Variants in TTC28 observed in about 807,000 individuals in gnomAD.
TTC28 encodes tetratricopeptide repeat protein 28.
Under a neutral mutation model 198.0 loss-of-function variants are expected in TTC28, and 61 were observed. The observed-to-expected ratio is 0.31, with a 90% CI of 0.25 to 0.38. The LOEUF is 0.38. Ranked by LOEUF, TTC28 falls within the 10% of genes least tolerant of loss-of-function variation. The pLI is 1.00. For synonymous variants in TTC28, 1,171 were observed against 1,297.8 expected (o/e 0.90, Z 2.10); for missense variants, 2,678 against 3,164.0 (o/e 0.85, Z 3.69).
intron 6 of TTC28, among the ~76,000 whole-genome samples, chr22:28,147,716 A>C (rs1204246953): frequency 6.6e-6 from 1 of 152,252 alleles, no homozygotes; most frequent in Non-Finnish European, 1.5e-5. Flanking sequence ...GAATTATTAA[A>C]TTAAACAATG....
chr22:28,127,678 T>C (rs1942952234), intron 6 of TTC28, among the ~76,000 whole-genome samples: 1 of 152,196 alleles, frequency 6.6e-6, no homozygotes, highest in South Asian at 2.1e-4. Flanking sequence ...ATTAAAATTA[T>C]TTCATCCTTT....
chr22:28,624,037 C>T (rs2051040251), intron 2 of TTC28, among the ~76,000 whole-genome samples: 1 of 151,900 alleles, frequency 6.6e-6, no homozygotes, highest in African/African-American at 2.4e-5. Flanking sequence ...AAATAATAAA[C>T]AGCAGACATC....
intron 2 of TTC28, among the ~76,000 whole-genome samples, chr22:28,579,301 A>C (rs2050197994): frequency 6.7e-6 from 1 of 149,734 alleles, no homozygotes; most frequent in Non-Finnish European, 1.5e-5. Context: ...ATATAGCTAT[A>C]TATGTGCATG....
intron 21 of TTC28, 28 bp from the exon 22 acceptor site, chr22:27,985,384 G>T (rs1236457327): frequency 1.8e-5 from 27 of 1,512,400 alleles, no homozygotes; most frequent in Non-Finnish European, 2.2e-5. Flanking sequence ...ATAAGCATCT[G>T]CTTCCTTCGG....
At chr22:28,279,382 T>C (rs181180154) in intron 5 of TTC28, among the ~76,000 whole-genome samples, 1 of 150,868 alleles carries the variant, frequency 6.6e-6, no homozygotes, top group African/African-American at 2.5e-5. Context: ...GTTTTGTTTG[T>C]TTTTTTTAGA....
intron 6 of TTC28, among the ~76,000 whole-genome samples, chr22:28,160,552 G>T (rs1213712516): frequency 1.3e-5 from 2 of 152,062 alleles, no homozygotes; most frequent in Non-Finnish European, 2.9e-5. Context: ...GAGTAAAAAA[G>T]GCAGCTTCAG....
In TTC28 at chr22:28,447,480, G is replaced by A. The variant is rs530239558; in HGVS notation, c.382-140837C>T. ...CTGCCTATAGGGCTAAATTCCATCTGCAAGTCCTAATTTGTGACTGCTGAT... is the reference window on the plus strand; with the variant it reads ...CTGCCTATAGGGCTAAATTCCATCTACAAGTCCTAATTTGTGACTGCTGAT... On this transcript the variant is annotated intron_variant, in intron 2 of 22. Transcript: ENST00000397906. Among the ~76,000 whole-genome samples the A allele has an allele frequency of 9.4e-4, 143 of 152,266 alleles. 1 individual carries two copies. Among genetic ancestry groups the A allele is most frequent in the African/African-American group, 2.3e-3 (97 of 41,546 alleles).
intron 12 of TTC28, among the ~76,000 whole-genome samples, chr22:28,058,273 C>T (rs1569112099): frequency 1.3e-5 from 2 of 152,068 alleles, no homozygotes; most frequent in South Asian, 2.1e-4. Flanking sequence ...GGTCTGCAGA[C>T]CACAGTCTCT....
At chr22:28,033,226 T>C (rs1939204219) in intron 12 of TTC28, among the ~76,000 whole-genome samples, 1 of 152,164 alleles carries the variant, frequency 6.6e-6, no homozygotes, top group Non-Finnish European at 1.5e-5. Context: ...TCCTGACCCT[T>C]CAAAGTATTA....
intron 2 of TTC28, among the ~76,000 whole-genome samples, chr22:28,407,703 T>C (rs1053618146): frequency 2.0e-5 from 3 of 152,248 alleles, no homozygotes; most frequent in African/African-American, 4.8e-5. Context: ...CTAGGTATTT[T>C]TGCAGTATTA....
At chr22:28,311,405 T>C (rs2045253990) in intron 2 of TTC28, among the ~76,000 whole-genome samples, 1 of 152,190 alleles carries the variant, frequency 6.6e-6, no homozygotes. Flanking sequence ...AACTTTAATA[T>C]CACTGTATGT....
chr22:28,640,434 T>C (rs970223851), intron 1 of TTC28, among the ~76,000 whole-genome samples: 4 of 151,538 alleles, frequency 2.6e-5, no homozygotes, highest in African/African-American at 9.7e-5. Flanking sequence ...TGAATACCAA[T>C]GACCAAGAAT....
chr22:28,346,990 C>T (rs1460615828), intron 2 of TTC28, among the ~76,000 whole-genome samples: 2 of 152,084 alleles, frequency 1.3e-5, no homozygotes, highest in Admixed American at 1.3e-4. Flanking sequence ...TGGCCGGGTG[C>T]GGTGGCTCAT....
chr22:28,556,376 T>C (rs1309345748), intron 2 of TTC28, among the ~76,000 whole-genome samples: 2 of 152,042 alleles, frequency 1.3e-5, no homozygotes, highest in African/African-American at 4.8e-5. Context: ...AAGCCCTATT[T>C]CTCTTTCATT....
At chr22:28,150,438 T>C (rs1462092540) in intron 6 of TTC28, among the ~76,000 whole-genome samples, 2 of 152,210 alleles carry the variant, frequency 1.3e-5, no homozygotes, top group Non-Finnish European at 2.9e-5. Flanking sequence ...CTGATTCTGA[T>C]GCTCTATATT....
chr22:28,278,781 C>T (rs1264775849), intron 5 of TTC28, among the ~76,000 whole-genome samples: 1 of 152,184 alleles, frequency 6.6e-6, no homozygotes, highest in African/African-American at 2.4e-5. Flanking sequence ...ACTCATGCCA[C>T]CCAAACTGCA....
intron 2 of TTC28, among the ~76,000 whole-genome samples, chr22:28,321,753 G>A (rs1037052393): frequency 6.6e-6 from 1 of 152,102 alleles, no homozygotes; most frequent in Non-Finnish European, 1.5e-5. Context: ...GCAAAACTTA[G>A]GATAATTTAT....
intron 2 of TTC28, among the ~76,000 whole-genome samples, chr22:28,490,480 T>A (rs868058033): frequency 1.3e-5 from 2 of 152,216 alleles, no homozygotes; most frequent in African/African-American, 4.8e-5. Context: ...ACAAGTCATA[T>A]GACTACTCGT....
chr22:27,998,405 C>A, intron 16 of TTC28, 135 bp downstream of exon 16: 1 of 1,368,064 alleles, frequency 7.3e-7, no homozygotes, highest in Non-Finnish European at 9.6e-7. Flanking sequence ...AGCACACAGG[C>A]TCTCTCCCTG....
Sources: gnomAD v4.1 joint callset for allele counts (sites outside exome capture counted in the v4.1 genomes callset) on GRCh38, gnomAD v4.1.1 for gene constraint, MANE v1.5 for transcripts, NCBI Gene and HGNC (gene_info 2026-07-23, HGNC 2026-07-21) for gene names.